Variants in ZNF669 observed in about 807,000 individuals in gnomAD.
ZNF669 encodes the protein zinc finger protein 669.
A neutral mutation model predicts 11.4 loss-of-function variants in ZNF669; 7 were observed. The observed-to-expected ratio is 0.62, with a 90% CI of 0.35 to 1.16. ZNF669 has a LOEUF of 1.16. ZNF669 is among the 50% of genes most tolerant of loss of function. ZNF669 has a pLI of 0.02. For missense variants in ZNF669, 492 were observed against 463.6 expected (o/e 1.06, Z -0.56); for synonymous variants, 153 against 155.8 (o/e 0.98, Z 0.13).
At chr1:247,103,930 C>T (rs781662267) in intron 1 of ZNF669, 1 of 1,593,882 alleles carries the variant, frequency 6.3e-7, no homozygotes, top group South Asian at 1.1e-5. Flanking sequence ...CCCGTGGTCA[C>T]CACACTACCT....
At position 247,104,195 on chromosome 1, in the gene ZNF669, A is replaced by C. The variant is rs750595881; in HGVS notation, c.3+2T>G. 1 of 1,519,218 alleles carries C rather than the reference A, an allele frequency of 6.6e-7. No homozygotes were observed. The allele number at this position is 1,519,218 out of a possible 1,614,324, so 94.1% of individuals were successfully genotyped here. On this transcript the variant is annotated splice_donor_variant, in intron 1 of 3. Coordinates refer to ENST00000448299, the MANE Select transcript of ZNF669 (RefSeq NM_001142572.2). LOFTEE classifies it high-confidence loss of function. The stretch of plus-strand genomic sequence containing the variant: ...TCGGGAAGCCAGGCGCAGTCCACTC[A>C]CCATTCCTCGGCTTCCCGGGTGTCC...
rs1431610403 is a variant in ZNF669 at position 247,104,226 on chromosome 1, T to G, written c.-27A>C. The G allele has an allele frequency of 2.6e-6, 4 of 1,509,694 alleles. No individual in the cohort carries two copies. Among genetic ancestry groups the G allele is most frequent in the Non-Finnish European group, 3.5e-6 (4 of 1,130,742 alleles). The allele number at this position is 1,509,694 out of a possible 1,614,324, so 93.5% of individuals were successfully genotyped here. On this transcript the variant is annotated 5_prime_UTR_variant, in exon 1 of 4. Transcript: ENST00000448299. ...CCTCGGCTTCCCGGGTGTCCTGGCG[T>G]CAGCTAGGGATGTCCCAATACTCGC...
intron 1 of ZNF669, chr1:247,103,858 C>T: frequency 6.8e-7 from 1 of 1,465,124 alleles, no homozygotes; most frequent in East Asian, 2.5e-5. Flanking sequence ...TGAACCACAG[C>T]TCCTCCCATG....
chr1:247,101,737 T>A lies in ZNF669; in HGVS notation c.185A>T (p.Asp62Val). Residue 62 changes from aspartate (D) to valine (V), a missense_variant, in exon 3 of 4, where the codon GAT becomes GTT. Coordinates refer to ENST00000448299, the MANE Select transcript of ZNF669 (RefSeq NM_001142572.2). ...IEDHFEKPGK[D>V]IRNHIVQRLC... ...TCTGCTCAGTGCAAATTACCTTATA[T>A]CTTTCCCAGGTTTTTCGAAGTGATC... 1 of 1,614,016 alleles carries A rather than the reference T, an allele frequency of 6.2e-7. No homozygotes were observed. The highest frequency in any genetic ancestry group is 8.5e-7 in the Non-Finnish European group (1 of 1,179,968).
Position 247,101,004 on chromosome 1 carries a change from A to G in ZNF669, c.507T>C (p.Cys169=). The change falls in exon 4 of 4, where the codon TGT becomes TGC. Residue 169 remains cysteine (C), a synonymous_variant. Coordinates refer to ENST00000448299, the MANE Select transcript of ZNF669 (RefSeq NM_001142572.2). ...SGNPAYKCTI[C]GKAFYFLNSV... ...AATTGAGAAAATAAAAAGCTTTCCC[A>G]CATATCGTACATTTATAAGCTGGAT... The G allele has an allele frequency of 6.2e-7, 1 of 1,613,544 alleles. No homozygotes were observed.
rs1229925846 is a variant in ZNF669 at position 247,100,027 on chromosome 1, C to T, written c.*347G>A. 1 of 194,166 alleles carries T rather than the reference C, an allele frequency of 5.2e-6. No homozygotes were observed. The highest frequency in any genetic ancestry group is 2.3e-5 in the African/African-American group (1 of 42,756). The allele number at this position is 194,166 out of a possible 1,614,324, so 12.0% of individuals were successfully genotyped here. A position where few individuals can be genotyped will look rare whatever the true frequency, so the allele number is the denominator to read the frequency against. ...TGAGACAGAGTCTCACTCTGTCACCCAGGCTGAAGTGCAGTGGTGCGATCT... is the reference window on the plus strand; with the variant it reads ...TGAGACAGAGTCTCACTCTGTCACCTAGGCTGAAGTGCAGTGGTGCGATCT... On this transcript the variant is annotated 3_prime_UTR_variant, in exon 4 of 4. Coordinates refer to ENST00000448299, the MANE Select transcript of ZNF669 (RefSeq NM_001142572.2).
intron 1 of ZNF669, among the ~76,000 whole-genome samples, chr1:247,102,598 A>G (rs1433011821): frequency 1.3e-5 from 2 of 152,226 alleles, no homozygotes; most frequent in East Asian, 3.8e-4. Context: ...TGGTTTATGC[A>G]ATATAGTTGC....
intron 1 of ZNF669, chr1:247,103,879 G>T: frequency 1.3e-6 from 2 of 1,508,714 alleles, no homozygotes; most frequent in East Asian, 2.4e-5. Flanking sequence ...CTGGAACCCC[G>T]CACACCGAGA....
rs534192315 is a variant in ZNF669, at chr1:247,104,352, G to C, written c.-153C>G. 3.6e-5 allele frequency: 41 copies of C among 1,137,370 alleles called. 1 individual carries two copies. In the East Asian group the frequency reaches 3.7e-4, roughly 10 times the overall value. 70.5% of individuals were successfully genotyped at this position (1,137,370 alleles called of 1,614,324 possible). A position where few individuals can be genotyped will look rare whatever the true frequency, so the allele number is the denominator to read the frequency against. ...AGGAAGAGCCGGCTCCGGCGAAGGA[G>C]AGACAAAGCAACCGCCAGGCAGATC... On this transcript the variant is annotated 5_prime_UTR_variant, in exon 1 of 4. Transcript: ENST00000448299.
At chr1:247,103,340 G>A (rs544129586) in intron 1 of ZNF669, among the ~76,000 whole-genome samples, 48 of 152,236 alleles carry the variant, frequency 3.2e-4, no homozygotes, top group African/African-American at 1.1e-3. Flanking sequence ...TTTGTAAACA[G>A]AAAAATATTT....
intron 1 of ZNF669, 170 bp downstream of exon 1, chr1:247,104,027 G>A: frequency 1.9e-6 from 3 of 1,586,878 alleles, no homozygotes; most frequent in Non-Finnish European, 2.6e-6. Context: ...GGGTTCCGCT[G>A]CCCGCCCCGC....
At chr1:247,101,593 G>T in intron 3 of ZNF669, 138 bp downstream of exon 3, 2 of 871,198 alleles carry the variant, frequency 2.3e-6, no homozygotes, top group Non-Finnish European at 3.4e-6. Context: ...ATTGAAGTAC[G>T]TTACATTTTG....
Position 247,100,001 on chromosome 1 carries a change from T to C in ZNF669, c.*373A>G, listed in dbSNP as rs768870675. On this transcript the variant is annotated 3_prime_UTR_variant, in exon 4 of 4. Coordinates refer to ENST00000448299, the MANE Select transcript of ZNF669 (RefSeq NM_001142572.2). ...TTTTTATTTTATTTTATCTTATTTT[T>C]TGAGACAGAGTCTCACTCTGTCACC... 42 of 170,302 alleles carry C rather than the reference T, an allele frequency of 2.5e-4. No individual in the cohort carries two copies. In the Middle Eastern group the frequency reaches 8.3e-3, roughly 34 times the overall value. The allele number at this position is 170,302 out of a possible 1,614,324, so 10.5% of individuals were successfully genotyped here.
chr1:247,103,873 A>T, intron 1 of ZNF669: 1 of 1,496,006 alleles, frequency 6.7e-7, no homozygotes, highest in East Asian at 2.4e-5. Flanking sequence ...CCCATGCTGG[A>T]ACCCCGCACA....
At chr1:247,103,953 C>G (rs1671784204) in intron 1 of ZNF669, 9 of 1,602,540 alleles carry the variant, frequency 5.6e-6, no homozygotes, top group Non-Finnish European at 7.6e-6. Flanking sequence ...ATAGGGGAGG[C>G]GAGGGGTTCC....
intron 1 of ZNF669, 57 bp downstream of exon 1, chr1:247,104,140 A>T (rs760026624): frequency 1.3e-6 from 2 of 1,580,338 alleles, no homozygotes; most frequent in Non-Finnish European, 1.7e-6. Context: ...GTCGCGCCAC[A>T]GCAGGTTTCA....
chr1:247,102,169 A>C (rs1671739292), intron 1 of ZNF669, 56 bp from the exon 2 acceptor site: 2 of 1,521,680 alleles, frequency 1.3e-6, no homozygotes, highest in Admixed American at 2.3e-5. Context: ...AGCACTGGGA[A>C]TCTATACTCA....
At chr1:247,102,622 G>A (rs1361476951) in intron 1 of ZNF669, among the ~76,000 whole-genome samples, 3 of 152,146 alleles carry the variant, frequency 2.0e-5, no homozygotes, top group African/African-American at 7.2e-5. Flanking sequence ...AACTTTTTCT[G>A]CTAAAGGTCT....
At position 247,102,363 on chromosome 1, in the gene ZNF669, A is replaced by G. The variant is rs536785507; in HGVS notation, c.4-250T>C. Among the ~76,000 whole-genome samples the G allele has an allele frequency of 2.6e-5, 4 of 152,364 alleles. No homozygotes were observed. In the East Asian group the frequency reaches 5.8e-4, roughly 22 times the overall value. The stretch of plus-strand genomic sequence containing the variant: ...ATCTCATTAGAGAATCCAGGGAGTA[A>G]GATGTGCTGCTAGGTTACCTCTTAA... On this transcript the variant is annotated intron_variant, in intron 1 of 3. Transcript: ENST00000448299.
Sources: allele counts gnomAD v4.1 joint callset (sites outside exome capture counted in the v4.1 genomes callset), GRCh38; gene constraint gnomAD v4.1.1; transcripts MANE v1.5; gene names NCBI Gene and HGNC (gene_info 2026-07-23, HGNC 2026-07-21).